The following RNF169 variants were observed in gnomAD, a reference collection of about 807,000 sequenced individuals.
The protein encoded by RNF169 is ring finger protein 169.
Under a neutral mutation model 53.9 loss-of-function variants are expected in RNF169, and 24 were observed. The observed-to-expected ratio is 0.45, with a 90% CI of 0.32 to 0.63. RNF169 has a LOEUF of 0.63. Ranked by LOEUF, RNF169 falls within the 20% of genes least tolerant of loss-of-function variation. The pLI is 0.04. For missense variants in RNF169, 883 were observed against 906.2 expected (o/e 0.97, Z 0.33); for synonymous variants, 396 against 363.5 (o/e 1.09, Z -1.02).
intron 1 of RNF169, among the ~76,000 whole-genome samples, chr11:74,785,186 G>GATATATATATAAT (rs1475323364): frequency 9.4e-5 from 6 of 63,694 alleles, no homozygotes; most frequent in African/African-American, 8.3e-4. Flanking sequence ...ATATATATAT[G>GATATATATATAAT]ATATATATAT....
chr11:74,790,089 T>G (rs1036427918), intron 2 of RNF169, among the ~76,000 whole-genome samples: 1 of 152,224 alleles, frequency 6.6e-6, no homozygotes, highest in African/African-American at 2.4e-5. Flanking sequence ...CTCACTCCAT[T>G]AAATACTCCA....
At chr11:74,831,109 G>C (rs891930091) in intron 4 of RNF169, 1 of 152,166 alleles carries the variant, frequency 6.6e-6, no homozygotes, top group Non-Finnish European at 1.5e-5. Context: ...GATGTCTACT[G>C]TTGCCACTTC....
rs1753788485 is a variant in RNF169, at chr11:74,810,176, A to G, written c.577-8A>G. ...AAACTACTGTGTTTGCATAATTTAT[A>G]TTTTTAGCTGAGAGAAGAAAAGTTA... On this transcript the variant is annotated splice_region_variant and splice_polypyrimidine_tract_variant and intron_variant, in intron 2 of 5. Coordinates refer to ENST00000299563, the MANE Select transcript of RNF169 (RefSeq NM_001098638.2). 6.2e-7 allele frequency: 1 copy of G among 1,601,934 alleles called. No individual in the cohort carries two copies. Among genetic ancestry groups the G allele is most frequent in the African/African-American group, 1.4e-5 (1 of 73,840 alleles).
chr11:74,768,548 A>C (rs1165459812), intron 1 of RNF169, among the ~76,000 whole-genome samples: 1 of 151,534 alleles, frequency 6.6e-6, no homozygotes, highest in Non-Finnish European at 1.5e-5. Context: ...CGGTGGCTGT[A>C]GTGAGCTGAG....
rs756732987 is a variant in RNF169 at position 74,836,276 on chromosome 11, A to G, written c.1673A>G (p.Lys558Arg). Residue 558 changes from lysine to arginine, a missense_variant, in exon 6 of 6, where the codon AAG (lysine) becomes AGG (arginine). Lys to Arg is a conservative substitution (Grantham distance 26, BLOSUM62 2). Transcript: ENST00000299563. ...GGGTTAGGGTCAACTCCAGATGCCA[A>G]GTTAGACAAAACCTGTATAAGCAGA... Reference protein sequence around the residue: ...FEGLGSTPDAKLDKTCISRAM... With the variant: ...FEGLGSTPDARLDKTCISRAM... The G allele has an allele frequency of 6.8e-6, 11 of 1,614,090 alleles. No individual in the cohort carries two copies. The highest frequency in any genetic ancestry group is 9.3e-6 in the Non-Finnish European group (11 of 1,180,044).
At position 74,841,874 on chromosome 11, in the gene RNF169, A is replaced by G. The variant is rs1311598617; in HGVS notation, c.*5144A>G. The G allele has an allele frequency of 6.6e-6, 1 of 152,286 alleles. No homozygotes were observed. The highest frequency in any genetic ancestry group is 1.5e-5 in the Non-Finnish European group (1 of 68,044). The allele number at this position is 152,286 out of a possible 1,614,324, so 9.4% of individuals were successfully genotyped here. A position where few individuals can be genotyped will look rare whatever the true frequency, so the allele number is the denominator to read the frequency against. The stretch of plus-strand genomic sequence containing the variant: ...CACCACCCTCCAAAGCTGTGCCACC[A>G]ATGAGAGCATTGGGTTCAAGTTTGC... On this transcript the variant is annotated 3_prime_UTR_variant, in exon 6 of 6. Coordinates refer to ENST00000299563, the MANE Select transcript of RNF169 (RefSeq NM_001098638.2).
intron 1 of RNF169, 123 bp downstream of exon 1, chr11:74,749,505 T>G: frequency 1.2e-6 from 1 of 833,796 alleles, no homozygotes; most frequent in Non-Finnish European, 1.5e-6. Flanking sequence ...CTCGTGGGAT[T>G]AGAACCCGGG....
intron 1 of RNF169, among the ~76,000 whole-genome samples, chr11:74,758,642 C>A (rs1469652121): frequency 6.6e-6 from 1 of 151,596 alleles, no homozygotes; most frequent in East Asian, 1.9e-4. Flanking sequence ...GCTGGGACTA[C>A]AGGCGCCCGC....
intron 4 of RNF169, among the ~76,000 whole-genome samples, chr11:74,818,643 T>A (rs1298385300): frequency 6.6e-6 from 1 of 152,146 alleles, no homozygotes; most frequent in Admixed American, 6.5e-5. Flanking sequence ...GTCCTCATGC[T>A]TCAGCCTCCC....
In RNF169 at chr11:74,749,166, G is replaced by A. The variant is rs1380908711; in HGVS notation, c.286G>A (p.Ala96Thr). The change falls in exon 1 of 6, where the codon GCC becomes ACC. Residue 96 changes from alanine to threonine, a missense_variant. By Grantham distance (58) the Ala-to-Thr change is moderately conservative. This residue lies in a region of RNF169 where 313 missense variants were observed against 279.9 expected (regional missense o/e 1.12). Coordinates refer to ENST00000299563, the MANE Select transcript of RNF169 (RefSeq NM_001098638.2). ...TTGCCGAGGCTGCGCCCAACGCGCC[G>A]CCGACGCGGCGGGCCCGGGTTGCCC... ...SLCRGCAQRA[A>T]DAAGPGCPRC... 2 of 1,241,214 alleles carry A rather than the reference G, an allele frequency of 1.6e-6. No individual in the cohort carries two copies. The highest frequency in any genetic ancestry group is 3.1e-4 in the Middle Eastern group (1 of 3,218). 76.9% of individuals were successfully genotyped at this position (1,241,214 alleles called of 1,614,324 possible).
rs2036238850 is a variant in RNF169 at position 74,835,472 on chromosome 11, C to T, written c.943-74C>T. Reference sequence around the variant, plus strand: ...GTCCTCCCCTTCCCTGTGCCTCCACCATCATAAAGGAATGATGAAGGAAAA... The same window carrying T: ...GTCCTCCCCTTCCCTGTGCCTCCACTATCATAAAGGAATGATGAAGGAAAA... On this transcript the variant is annotated intron_variant, in intron 5 of 5. Transcript: ENST00000299563. 4.3e-6 allele frequency: 5 copies of T among 1,157,998 alleles called. No individual in the cohort carries two copies. The East Asian group carries it at 1.2e-4, about 27-fold the overall frequency. The allele number at this position is 1,157,998 out of a possible 1,614,324, so 71.7% of individuals were successfully genotyped here. A position where few individuals can be genotyped will look rare whatever the true frequency, so the allele number is the denominator to read the frequency against.
chr11:74,748,892 A>G lies in RNF169; in HGVS notation c.12A>G (p.Ala4=). MAA[A]GPSTRASSAA... ...AAACGGGAAACAAGATGGCGGCTGC[A>G]GGTCCGAGTACTCGGGCCTCTTCCG... The change falls in exon 1 of 6, where the codon GCA becomes GCG. Residue 4 remains alanine (A), a synonymous_variant. Coordinates refer to ENST00000299563, the MANE Select transcript of RNF169 (RefSeq NM_001098638.2). 2.1e-6 allele frequency: 3 copies of G among 1,426,708 alleles called. No individual in the cohort carries two copies. The highest frequency in any genetic ancestry group is 2.8e-6 in the Non-Finnish European group (3 of 1,078,612). 88.4% of individuals were successfully genotyped at this position (1,426,708 alleles called of 1,614,324 possible).
At chr11:74,817,870 A>C (rs1280325076) in intron 4 of RNF169, among the ~76,000 whole-genome samples, 156 bp downstream of exon 4, 1 of 152,106 alleles carries the variant, frequency 6.6e-6, no homozygotes, top group Non-Finnish European at 1.5e-5. Flanking sequence ...TGGACTAGGG[A>C]AAAAGGGCTG....
intron 2 of RNF169, among the ~76,000 whole-genome samples, chr11:74,804,386 A>G (rs761857377): frequency 2.3e-4 from 35 of 152,232 alleles, no homozygotes; most frequent in Non-Finnish European, 4.0e-4. Context: ...TGATACTCAT[A>G]CAAATGGAGA....
chr11:74,831,537 G>A (rs1335617105), intron 4 of RNF169: 1 of 152,156 alleles, frequency 6.6e-6, no homozygotes, highest in East Asian at 1.9e-4. Context: ...TGGATTAGAA[G>A]ACATAATATT....
intron 5 of RNF169, among the ~76,000 whole-genome samples, 157 bp downstream of exon 5, chr11:74,834,932 A>G (rs1045043478): frequency 6.6e-6 from 1 of 152,064 alleles, no homozygotes; most frequent in Non-Finnish European, 1.5e-5. Context: ...GTGAAGGAAG[A>G]AAGTTTGAAT....
intron 1 of RNF169, among the ~76,000 whole-genome samples, chr11:74,782,910 T>G (rs1018540346): frequency 4.0e-5 from 6 of 151,144 alleles, no homozygotes; most frequent in Admixed American, 3.3e-4. Flanking sequence ...CAAAGAGGTT[T>G]TTTTTTTTTT....
chr11:74,749,441 G>A (rs1591380550), intron 1 of RNF169, 59 bp downstream of exon 1: 1 of 1,200,622 alleles, frequency 8.3e-7, no homozygotes, highest in South Asian at 3.7e-5. Flanking sequence ...CCCCGGCCCG[G>A]CCTGGTGAGG....
intron 1 of RNF169, among the ~76,000 whole-genome samples, chr11:74,770,086 C>G (rs74519072): frequency 0.049 from 7,389 of 152,286 alleles, 246 homozygotes; most frequent in Non-Finnish European, 0.075. Flanking sequence ...GCCACCATAC[C>G]TGGCTTTAGA....
Sources: gnomAD v4.1 joint callset for allele counts (sites outside exome capture counted in the v4.1 genomes callset) on GRCh38, gnomAD v4.1.1 for gene constraint, gnomAD v4.1.1 regional missense constraint, MANE v1.5 for transcripts, NCBI Gene and HGNC (gene_info 2026-07-23, HGNC 2026-07-21) for gene names.